NTM: variants seen among roughly 807,000 people sequenced by gnomAD.
The protein encoded by NTM is IgLON family member 2.
NTM carries 13 observed loss-of-function variants against 42.1 expected under a neutral mutation model. That is an observed-to-expected ratio of 0.31 (90% CI 0.20 to 0.49). NTM has a LOEUF of 0.49. Among genes scored for constraint, NTM ranks in the 20% least tolerant of loss-of-function variants. The pLI is 0.99. For synonymous variants in NTM, 187 were observed against 179.2 expected (o/e 1.04, Z -0.35); for missense variants, 373 against 452.8 (o/e 0.82, Z 1.60).
At chr11:131,977,984 T>C (rs905555077) in intron 2 of NTM, among the ~76,000 whole-genome samples, 1 of 152,172 alleles carries the variant, frequency 6.6e-6, no homozygotes, top group African/African-American at 2.4e-5. Flanking sequence ...TGCAAGCACC[T>C]GGAGTTATGT....
chr11:131,604,706 T>C (rs1486291907), intron 1 of NTM, among the ~76,000 whole-genome samples: 1 of 150,390 alleles, frequency 6.6e-6, no homozygotes, highest in Non-Finnish European at 1.5e-5. Flanking sequence ...TAAGGTCTTT[T>C]TTTCTTTCCT....
At chr11:131,659,976 G>A (rs924853862) in intron 1 of NTM, among the ~76,000 whole-genome samples, 1 of 152,246 alleles carries the variant, frequency 6.6e-6, no homozygotes, top group Admixed American at 6.5e-5. Context: ...TTTCCAATAT[G>A]TGAGCACGTG....
At chr11:131,756,648 A>C (rs2083379652) in intron 1 of NTM, among the ~76,000 whole-genome samples, 1 of 152,114 alleles carries the variant, frequency 6.6e-6, no homozygotes, top group Admixed American at 6.6e-5. Flanking sequence ...TGATCACAGC[A>C]CTGCACTCCA....
intron 1 of NTM, among the ~76,000 whole-genome samples, chr11:131,811,628 GA>G (rs140035656): frequency 0.015 from 2,331 of 152,326 alleles, 55 homozygotes; most frequent in African/African-American, 0.051. Context: ...AATATGTCAT[GA>G]TGTATATTGT....
intron 1 of NTM, among the ~76,000 whole-genome samples, chr11:131,562,780 C>T (rs2056401299): frequency 6.6e-6 from 1 of 152,158 alleles, no homozygotes; most frequent in African/African-American, 2.4e-5. Flanking sequence ...TTATGTCTTT[C>T]CTAACCACTT....
chr11:131,536,248 A>T (rs1256269289), intron 1 of NTM: 2 of 152,238 alleles, frequency 1.3e-5, no homozygotes, highest in Non-Finnish European at 2.9e-5. Context: ...CAAGCCTGCT[A>T]TGTGAATGCT....
intron 3 of NTM, among the ~76,000 whole-genome samples, chr11:132,198,984 C>G (rs190873936): frequency 6.6e-6 from 1 of 152,150 alleles, no homozygotes; most frequent in African/African-American, 2.4e-5. Flanking sequence ...ACATGTAGAC[C>G]TGAAAAGCAA....
chr11:131,821,874 A>T (rs1034413239), intron 1 of NTM, among the ~76,000 whole-genome samples: 1 of 152,208 alleles, frequency 6.6e-6, no homozygotes, highest in Non-Finnish European at 1.5e-5. Context: ...TAGGTCTACT[A>T]GTTCTTACCC....
intron 1 of NTM, among the ~76,000 whole-genome samples, chr11:131,892,623 G>A (rs1467431683): frequency 6.6e-6 from 1 of 152,250 alleles, no homozygotes; most frequent in African/African-American, 2.4e-5. Context: ...ATGGCCACAT[G>A]CTGCCCTCTT....
chr11:132,313,633 A>G (rs2095342210), intron 6 of NTM, among the ~76,000 whole-genome samples: 1 of 152,204 alleles, frequency 6.6e-6, no homozygotes. Flanking sequence ...GGTATCCATG[A>G]TCGCCATAGG....
chr11:131,991,971 T>C (rs934647010), intron 2 of NTM, among the ~76,000 whole-genome samples: 2 of 152,180 alleles, frequency 1.3e-5, no homozygotes, highest in African/African-American at 4.8e-5. Context: ...TCATTCTGGA[T>C]GTATATATGG....
intron 2 of NTM, among the ~76,000 whole-genome samples, chr11:131,926,947 G>C (rs2058035288): frequency 6.6e-6 from 1 of 152,166 alleles, no homozygotes; most frequent in Non-Finnish European, 1.5e-5. Context: ...TTTACCTGTT[G>C]CCATTTCCAA....
chr11:131,450,606 G>T (rs1950409631), intron 1 of NTM, among the ~76,000 whole-genome samples: 2 of 152,154 alleles, frequency 1.3e-5, no homozygotes, highest in Non-Finnish European at 2.9e-5. Flanking sequence ...TCTTATGCAT[G>T]CTCCTCATCC....
At chr11:131,796,540 G>A (rs773146925) in intron 1 of NTM, among the ~76,000 whole-genome samples, 5 of 152,174 alleles carry the variant, frequency 3.3e-5, no homozygotes, top group Non-Finnish European at 5.9e-5. Context: ...CCCCTTTTCT[G>A]CCTTCCACCC....
chr11:131,718,969 C>T (rs1461370510), intron 1 of NTM, among the ~76,000 whole-genome samples: 1 of 152,236 alleles, frequency 6.6e-6, no homozygotes, highest in South Asian at 2.1e-4. Context: ...TTGGGTATCC[C>T]TTTGTCCACT....
chr11:131,466,975 G>A (rs1951960152), intron 1 of NTM, among the ~76,000 whole-genome samples: 1 of 152,204 alleles, frequency 6.6e-6, no homozygotes. Flanking sequence ...GTGCACACAT[G>A]TGCATACACG....
chr11:131,530,554 G>A (rs778867600), intron 1 of NTM, among the ~76,000 whole-genome samples: 10 of 152,126 alleles, frequency 6.6e-5, no homozygotes, highest in South Asian at 2.1e-4. Flanking sequence ...GGCTGGAACT[G>A]TGAACAAAAG....
chr11:132,327,871 A>C, intron 7 of NTM, among the ~76,000 whole-genome samples: 1 of 141,174 alleles, frequency 7.1e-6, no homozygotes, highest in East Asian at 2.1e-4. Context: ...CTTTCTTTTC[A>C]ACATATTTTC....
intron 1 of NTM, among the ~76,000 whole-genome samples, chr11:131,645,344 C>T (rs1405420987): frequency 6.6e-6 from 1 of 152,160 alleles, no homozygotes; most frequent in African/African-American, 2.4e-5. Context: ...CTCTTCCCAG[C>T]CTTTCTGCAA....
Sources: gnomAD v4.1 joint callset for allele counts (sites outside exome capture counted in the v4.1 genomes callset) on GRCh38, gnomAD v4.1.1 for gene constraint, MANE v1.5 for transcripts, NCBI Gene and HGNC (gene_info 2026-07-23, HGNC 2026-07-21) for gene names.